The following SLC12A6 variants were observed in gnomAD, a reference collection of about 807,000 sequenced individuals.
SLC12A6 encodes K-Cl cotransporter 3.
Under a neutral mutation model 135.3 loss-of-function variants are expected in SLC12A6, and 66 were observed. The ratio of observed to expected loss-of-function variants is 0.49; its 90% CI spans 0.40 to 0.60. SLC12A6 has a LOEUF of 0.60. Among genes scored for constraint, SLC12A6 ranks in the 20% least tolerant of loss-of-function variants. The pLI, the probability that SLC12A6 is intolerant of heterozygous loss-of-function variation, is 0.00. For synonymous variants in SLC12A6, 513 were observed against 508.8 expected, an observed-to-expected ratio of 1.01 and a Z score of -0.11; for missense variants, 1,058 against 1,452.3, an observed-to-expected ratio of 0.73 and a Z score of 4.41.
intron 2 of SLC12A6, among the ~76,000 whole-genome samples, chr15:34,297,345 A>C (rs1225800477): frequency 1.3e-5 from 2 of 152,168 alleles, no homozygotes; most frequent in Non-Finnish European, 2.9e-5. Flanking sequence ...AAAAAAATTA[A>C]ATAAACACAA....
rs202162842 is a variant in SLC12A6 at position 34,242,115 on chromosome 15, T to C, written c.2149A>G (p.Ile717Val). The C allele has an allele frequency of 6.2e-7, 1 of 1,603,080 alleles. No homozygotes were observed. Among genetic ancestry groups the C allele is most frequent in the African/African-American group, 1.3e-5 (1 of 74,810 alleles). ...MVIAGMIYKY[I>V]EYQGAEKEWG... ...ATCCACACTCACCCTTGGTATTCAA[T>C]GTACTTGTAGATCATACCAGCTATT... Residue 717 changes from isoleucine (I) to valine (V), a missense_variant, in exon 17 of 26, where the codon ATT becomes GTT. Around this residue, in one of 6 missense-constraint regions of SLC12A6, gnomAD observed 170 missense variants for 297.6 expected, o/e 0.57. Coordinates refer to ENST00000354181, the MANE Select transcript of SLC12A6 (RefSeq NM_001365088.1).
At chr15:34,326,037 GC>G (rs1889436826) in intron 2 of SLC12A6, among the ~76,000 whole-genome samples, 1 of 152,196 alleles carries the variant, frequency 6.6e-6, no homozygotes. Context: ...TTGATGGCTA[GC>G]TAATTTGATA....
At position 34,275,382 on chromosome 15, in the gene SLC12A6, A is replaced by T; in HGVS notation, c.279T>A (p.Ser93Arg). The change falls in exon 3 of 26, where the codon AGT becomes AGA. Residue 93 changes from serine to arginine, a missense_variant. Ser to Arg is a moderately radical substitution (Grantham distance 110, BLOSUM62 -1). Coordinates refer to ENST00000354181, the MANE Select transcript of SLC12A6 (RefSeq NM_001365088.1). Reference protein sequence around the residue: ...SHPQDVIEDLSQNSITGEHSQ... With the variant: ...SHPQDVIEDLRQNSITGEHSQ... ...TGTGTTCCCCTGTGATGGAGTTCTG[A>T]CTCAGGTCTGAAAAACAAACAATTG... The T allele has an allele frequency of 6.6e-7, 1 of 1,521,010 alleles. No individual in the cohort carries two copies. The highest frequency in any genetic ancestry group is 9.1e-7 in the Non-Finnish European group (1 of 1,095,844). 94.2% of individuals were successfully genotyped at this position (1,521,010 alleles called of 1,614,324 possible).
chr15:34,260,069 GTCAAAT>G (rs1353691780), intron 4 of SLC12A6, among the ~76,000 whole-genome samples: 1 of 152,106 alleles, frequency 6.6e-6, no homozygotes, highest in African/African-American at 2.4e-5. Flanking sequence ...TGCTAAGAAA[GTCAAAT>G]TCAAATATTT....
intron 2 of SLC12A6, among the ~76,000 whole-genome samples, chr15:34,284,892 A>G (rs1009371987): frequency 6.6e-6 from 1 of 152,252 alleles, no homozygotes; most frequent in African/African-American, 2.4e-5. Context: ...ATATCTAACC[A>G]TACAAATATC....
At position 34,233,743 on chromosome 15, in the gene SLC12A6, C is replaced by G. The variant is rs1891075018; in HGVS notation, c.*138G>C. On this transcript the variant is annotated 3_prime_UTR_variant, in exon 26 of 26. Transcript: ENST00000354181. ...CTCTTTTACACAGGTACTTGAGGCT[C>G]AGCTCATCAAGAGTTCAGTATGATG... 1 of 701,048 alleles carries G rather than the reference C, an allele frequency of 1.4e-6. No homozygotes were observed. The highest frequency in any genetic ancestry group is 2.0e-5 in the Admixed American group (1 of 49,204). 43.4% of individuals were successfully genotyped at this position (701,048 alleles called of 1,614,324 possible). A position where few individuals can be genotyped will look rare whatever the true frequency, so the allele number is the denominator to read the frequency against.
intron 2 of SLC12A6, among the ~76,000 whole-genome samples, chr15:34,310,732 T>TGTG (rs1566860937): frequency 8.9e-6 from 1 of 111,898 alleles, no homozygotes; most frequent in African/African-American, 3.5e-5. Flanking sequence ...TGTGTGTGTG[T>TGTG]CCCCGTGTCC....
intron 2 of SLC12A6, among the ~76,000 whole-genome samples, chr15:34,309,678 G>A (rs1351902691): frequency 6.6e-6 from 1 of 152,284 alleles, no homozygotes; most frequent in African/African-American, 2.4e-5. Context: ...TAAGGTCTTA[G>A]ATATAGTAAA....
chr15:34,336,264 CCTAAGCA>C, intron 2 of SLC12A6, 139 bp downstream of exon 2: 1 of 732,976 alleles, frequency 1.4e-6, no homozygotes, highest in South Asian at 1.5e-5. Flanking sequence ...CCAAAGAGTT[CCTAAGCA>C]TCTCACAAAG....
chr15:34,288,702 C>A (rs1895298057), intron 2 of SLC12A6, among the ~76,000 whole-genome samples: 1 of 152,134 alleles, frequency 6.6e-6, no homozygotes, highest in Non-Finnish European at 1.5e-5. Context: ...TCCTTCACAT[C>A]CCTTGTAAGT....
chr15:34,247,479 T>C lies in SLC12A6; in HGVS notation c.1650-1612A>G, dbSNP rs951040844. 9.2e-5 allele frequency among the ~76,000 whole-genome samples: 14 copies of C among 151,430 alleles called. 1 individual carries two copies. The highest frequency in any genetic ancestry group is 2.6e-4 in the Admixed American group (4 of 15,194). ...TTGCAGTGAGCCGAGACTGCGCCAC[T>C]GCACTCCAGCCTGGGCGACAGAGCG... On this transcript the variant is annotated intron_variant, in intron 13 of 25. Coordinates refer to ENST00000354181, the MANE Select transcript of SLC12A6 (RefSeq NM_001365088.1).
intron 20 of SLC12A6, 74 bp from the exon 21 acceptor site, chr15:34,238,475 GA>G: frequency 8.6e-7 from 1 of 1,167,404 alleles, no homozygotes; most frequent in Non-Finnish European, 1.3e-6. Context: ...GGAAAGCAAG[GA>G]AATGCTCTTT....
chr15:34,273,070 G>T (rs1415076004), intron 3 of SLC12A6, among the ~76,000 whole-genome samples: 2 of 152,064 alleles, frequency 1.3e-5, no homozygotes, highest in Admixed American at 6.6e-5. Context: ...TAAAAAAGTG[G>T]CCGGGAGTGG....
In SLC12A6 at chr15:34,233,931, C is replaced by T. The variant is rs1339519939; in HGVS notation, c.3403G>A (p.Val1135Ile). 6.2e-7 allele frequency: 1 copy of T among 1,607,778 alleles called. No homozygotes were observed. Among genetic ancestry groups the T allele is most frequent in the Non-Finnish European group, 8.5e-7 (1 of 1,174,152 alleles). Residue 1135 changes from valine to isoleucine, a missense_variant, in exon 26 of 26, where the codon GTC becomes ATC. Transcript: ENST00000354181. ...CTGCCACCACCCCGGACAAGTAGGACTCGCTCTAGTCCCTCGGTAAGCACC... is the reference window on the plus strand; with the variant it reads ...CTGCCACCACCCCGGACAAGTAGGATTCGCTCTAGTCCCTCGGTAAGCACC... ...LEVLTEGLER[V>I]LLVRGGGSEV... is the part of the protein sequence containing the mutation.
intron 3 of SLC12A6, among the ~76,000 whole-genome samples, chr15:34,266,566 C>T (rs1385400458): frequency 6.6e-6 from 1 of 152,132 alleles, no homozygotes; most frequent in African/African-American, 2.4e-5. Context: ...CTCAGCCTCC[C>T]AAGTAGCTAG....
chr15:34,261,319 G>A (rs960005868), intron 3 of SLC12A6, among the ~76,000 whole-genome samples: 1 of 151,058 alleles, frequency 6.6e-6, no homozygotes, highest in African/African-American at 2.4e-5. Flanking sequence ...TTTTTTTTGA[G>A]ATGGAGCTGC....
intron 3 of SLC12A6, among the ~76,000 whole-genome samples, chr15:34,273,754 T>A (rs1163606639): frequency 6.6e-6 from 1 of 152,166 alleles, no homozygotes; most frequent in African/African-American, 2.4e-5. Flanking sequence ...GACACACAAG[T>A]GTTAAATACC....
intron 2 of SLC12A6, among the ~76,000 whole-genome samples, chr15:34,326,587 T>C (rs901251690): frequency 6.6e-6 from 1 of 152,204 alleles, no homozygotes; most frequent in East Asian, 1.9e-4. Flanking sequence ...TACACTGCTC[T>C]AGGCACATAA....
intron 2 of SLC12A6, among the ~76,000 whole-genome samples, chr15:34,312,286 T>A (rs1162506971): frequency 2.0e-5 from 3 of 152,232 alleles, no homozygotes; most frequent in Non-Finnish European, 4.4e-5. Flanking sequence ...CCTATACTTC[T>A]GTAGCCTTAG....
Sources: gnomAD v4.1 joint callset for allele counts (sites outside exome capture counted in the v4.1 genomes callset) on GRCh38, gnomAD v4.1.1 for gene constraint, gnomAD v4.1.1 regional missense constraint, MANE v1.5 for transcripts, NCBI Gene and HGNC (gene_info 2026-07-23, HGNC 2026-07-21) for gene names.